The following HMGCLL1 variants were observed in gnomAD, a reference collection of about 807,000 sequenced individuals.
HMGCLL1 encodes 3-hydroxy-3-methylglutaryl-CoA lyase like 1.
Under a neutral mutation model 39.1 loss-of-function variants are expected in HMGCLL1, and 36 were observed. The ratio of observed to expected loss-of-function variants is 0.92; its 90% confidence interval spans 0.71 to 1.22. The LOEUF (loss-of-function observed/expected upper bound fraction) is 1.22. Ranked by LOEUF, HMGCLL1 falls within the 50% of genes most tolerant of loss-of-function variation. HMGCLL1 has a pLI of 0.00. For missense variants in HMGCLL1, 451 were observed against 416.5 expected (o/e 1.08, Z -0.72); for synonymous variants, 149 against 144.0 (o/e 1.03, Z -0.25).
At chr6:55,496,660 T>C (rs1175369790) in intron 6 of HMGCLL1, among the ~76,000 whole-genome samples, 2 of 152,050 alleles carry the variant, frequency 1.3e-5, no homozygotes, top group East Asian at 1.9e-4. Context: ...AATGAACTCA[T>C]AGGAAGTGCA....
At chr6:55,551,690 G>A (rs565911159) in intron 1 of HMGCLL1, among the ~76,000 whole-genome samples, 2 of 152,058 alleles carry the variant, frequency 1.3e-5, no homozygotes, top group African/African-American at 4.8e-5. Flanking sequence ...ACCCAAACCA[G>A]AAAGATGTTA....
the HMGCLL1 span, among the ~76,000 whole-genome samples, chr6:55,591,448 G>A: frequency 7.2e-5 from 11 of 151,940 alleles, no homozygotes; most frequent in South Asian, 2.3e-3. Context: ...TGGTGGGGGT[G>A]GGACTTCTCT....
chr6:55,635,750 A>G, the HMGCLL1 span, among the ~76,000 whole-genome samples: 1 of 152,208 alleles, frequency 6.6e-6, no homozygotes, highest in Non-Finnish European at 1.5e-5. Context: ...AAGAGAGCTC[A>G]AGTGGTAGGA....
intron 1 of HMGCLL1, among the ~76,000 whole-genome samples, chr6:55,570,967 A>T (rs562250364): frequency 8.8e-4 from 134 of 152,170 alleles, no homozygotes; most frequent in East Asian, 4.8e-3. Context: ...GAAAGGGGAA[A>T]CCCCTTATAA....
chr6:55,443,607 C>T (rs1396493425), intron 7 of HMGCLL1, among the ~76,000 whole-genome samples: 2 of 151,912 alleles, frequency 1.3e-5, no homozygotes, highest in East Asian at 3.9e-4. Context: ...AATAGAGAAA[C>T]CAGTATTACC....
At chr6:55,531,484 A>G (rs1006085383) in intron 3 of HMGCLL1, among the ~76,000 whole-genome samples, 6 of 152,144 alleles carry the variant, frequency 3.9e-5, no homozygotes, top group Admixed American at 1.3e-4. Context: ...TAATGTGACC[A>G]ACACGGCTTT....
intron 1 of HMGCLL1, among the ~76,000 whole-genome samples, chr6:55,556,206 AC>A (rs2127467889): frequency 6.6e-6 from 1 of 152,342 alleles, no homozygotes; most frequent in African/African-American, 2.4e-5. Context: ...ATAGCAAAAA[AC>A]AATAATAATT....
chr6:55,605,400 TAACTC>T, the HMGCLL1 span, among the ~76,000 whole-genome samples: 3 of 145,540 alleles, frequency 2.1e-5, no homozygotes, highest in African/African-American at 8.0e-5. Context: ...GTTTCCCAGA[TAACTC>T]AACCTAGAAT....
chr6:55,649,953 C>G, the HMGCLL1 span, among the ~76,000 whole-genome samples: 2 of 149,612 alleles, frequency 1.3e-5, no homozygotes, highest in Non-Finnish European at 3.0e-5. Context: ...ACTTCAATCT[C>G]TTTGTTAAAT....
intron 1 of HMGCLL1, among the ~76,000 whole-genome samples, chr6:55,569,868 G>A (rs996268014): frequency 2.0e-5 from 3 of 152,166 alleles, no homozygotes; most frequent in Non-Finnish European, 2.9e-5. Context: ...TTCTCAGCAT[G>A]CACTAGTCAG....
chr6:55,554,792 T>G (rs560636779), intron 1 of HMGCLL1, among the ~76,000 whole-genome samples: 1 of 152,288 alleles, frequency 6.6e-6, no homozygotes, highest in Admixed American at 6.5e-5. Flanking sequence ...AATCCATTCC[T>G]CTACATTCTG....
At chr6:55,546,351 A>G (rs1320126341) in intron 1 of HMGCLL1, among the ~76,000 whole-genome samples, 1 of 152,140 alleles carries the variant, frequency 6.6e-6, no homozygotes, top group Non-Finnish European at 1.5e-5. Context: ...ATTTTAAAGC[A>G]TATCTATGAG....
chr6:55,537,965 G>A (rs1769126412), intron 3 of HMGCLL1, among the ~76,000 whole-genome samples: 1 of 152,052 alleles, frequency 6.6e-6, no homozygotes, highest in South Asian at 2.1e-4. Context: ...GTAAGGTCAG[G>A]AGGCATTTTC....
the HMGCLL1 span, among the ~76,000 whole-genome samples, chr6:55,675,093 T>A: frequency 1.3e-5 from 2 of 152,218 alleles, no homozygotes; most frequent in Admixed American, 6.5e-5. Context: ...CCAATAACAT[T>A]GTAAATAAAT....
chr6:55,507,738 AT>A (rs976883851), intron 5 of HMGCLL1, among the ~76,000 whole-genome samples: 9 of 151,780 alleles, frequency 5.9e-5, no homozygotes, highest in African/African-American at 2.2e-4. Flanking sequence ...TCACTGTGCA[AT>A]TTGTTCTCTT....
At chr6:55,586,564 G>A in the HMGCLL1 span, among the ~76,000 whole-genome samples, 4 of 150,146 alleles carry the variant, frequency 2.7e-5, no homozygotes, top group African/African-American at 9.8e-5. Context: ...CCTACAACAG[G>A]CCCCAGTGTG....
chr6:55,467,715 T>A (rs140275770), intron 7 of HMGCLL1, among the ~76,000 whole-genome samples: 1 of 152,066 alleles, frequency 6.6e-6, no homozygotes, highest in South Asian at 2.1e-4. Context: ...TGAAACTATA[T>A]CTTGACAGTA....
At chr6:55,559,732 A>G (rs1236492017) in intron 1 of HMGCLL1, among the ~76,000 whole-genome samples, 5 of 152,166 alleles carry the variant, frequency 3.3e-5, no homozygotes, top group Admixed American at 6.6e-5. Context: ...ATTGAATCTT[A>G]TGCTTGCAAA....
At chr6:55,622,694 C>G in the HMGCLL1 span, among the ~76,000 whole-genome samples, 1 of 151,984 alleles carries the variant, frequency 6.6e-6, no homozygotes, top group Non-Finnish European at 1.5e-5. Flanking sequence ...CATCAACGTT[C>G]ATCAGATAAA....
Sources: gnomAD v4.1 joint callset for allele counts (sites outside exome capture counted in the v4.1 genomes callset) on GRCh38, gnomAD v4.1.1 for gene constraint, MANE v1.5 for transcripts, NCBI Gene and HGNC (gene_info 2026-07-23, HGNC 2026-07-21) for gene names.